GALNT11: variants seen among roughly 807,000 people sequenced by gnomAD.
The protein encoded by GALNT11 is UDP-GalNAc:polypeptide N-acetylgalactosaminyltransferase 11.
In GALNT11, 47 loss-of-function variants were observed where a neutral mutation model predicts 72.7. That is an observed-to-expected ratio of 0.65 (90% CI 0.51 to 0.82). GALNT11 has a LOEUF of 0.82. Among genes scored for constraint, GALNT11 ranks in the 40% least tolerant of loss-of-function variants. The pLI, the probability that GALNT11 is intolerant of heterozygous loss-of-function variation, is 0.00. For missense variants in GALNT11, 677 were observed against 778.4 expected (o/e 0.87, Z 1.55); for synonymous variants, 270 against 286.6 (o/e 0.94, Z 0.58).
chr7:152,065,574 A>G (rs1383111076), intron 1 of GALNT11, among the ~76,000 whole-genome samples: 1 of 152,094 alleles, frequency 6.6e-6, no homozygotes, highest in African/African-American at 2.4e-5. Context: ...TTGTGGTTTT[A>G]TCTACCTATG....
intron 3 of GALNT11, among the ~76,000 whole-genome samples, chr7:152,101,650 G>T (rs375420684): frequency 0.032 from 4,699 of 145,468 alleles, 275 homozygotes; most frequent in African/African-American, 0.099. Context: ...TTTGGGGGGG[G>T]GGGGATGGAG....
intron 10 of GALNT11, chr7:152,119,711 A>G (rs997855285): frequency 6.6e-6 from 1 of 152,100 alleles, no homozygotes; most frequent in Non-Finnish European, 1.5e-5. Context: ...CATCTCTACT[A>G]AAAATACAAA....
At chr7:152,037,787 T>A (rs2082652595) in intron 1 of GALNT11, among the ~76,000 whole-genome samples, 2 of 152,166 alleles carry the variant, frequency 1.3e-5, no homozygotes, top group South Asian at 4.2e-4. Flanking sequence ...TTCCTTCCTT[T>A]TGAGAGAGTC....
intron 1 of GALNT11, among the ~76,000 whole-genome samples, chr7:152,038,641 T>A (rs2082702292): frequency 6.6e-6 from 1 of 152,232 alleles, no homozygotes; most frequent in Non-Finnish European, 1.5e-5. Context: ...TGCAAAGTGA[T>A]AAAAGCAAAG....
chr7:152,113,939 GT>G lies in GALNT11; in HGVS notation c.1233+548del, dbSNP rs544834617. Among the ~76,000 whole-genome samples, 4 of 149,302 alleles carry G rather than the reference GT, an allele frequency of 2.7e-5. No individual in the cohort carries two copies. In the East Asian group the frequency reaches 7.8e-4, roughly 29 times the overall value. ...AAAGTGTTTTTTTTTTTGTTTGTTT[GT>G]TTTTTTAGAGATGGGATCTCACTGT... On this transcript the variant is annotated intron_variant, in intron 8 of 11. Transcript: ENST00000430044.
At chr7:152,063,836 A>G (rs1184530653) in intron 1 of GALNT11, among the ~76,000 whole-genome samples, 5 of 152,190 alleles carry the variant, frequency 3.3e-5, no homozygotes, top group Non-Finnish European at 7.3e-5. Context: ...ACAGTTTCTT[A>G]TAATTTCTGT....
chr7:152,040,726 A>G lies in GALNT11; in HGVS notation c.-39+14842A>G, dbSNP rs544903034. The stretch of plus-strand genomic sequence containing the variant: ...GAATGAACCATGTATAAAGAATCAA[A>G]TCACATTAATAGGCATATTAAAAGC... On this transcript the variant is annotated intron_variant, in intron 1 of 11. Coordinates refer to ENST00000430044, the MANE Select transcript of GALNT11 (RefSeq NM_022087.4). Among the ~76,000 whole-genome samples the G allele has an allele frequency of 8.5e-5, 13 of 152,352 alleles. No homozygotes were observed. In the East Asian group the frequency reaches 1.3e-3, roughly 16 times the overall value.
chr7:152,050,524 G>T (rs560598673), intron 1 of GALNT11, among the ~76,000 whole-genome samples: 2 of 152,132 alleles, frequency 1.3e-5, no homozygotes, highest in African/African-American at 4.8e-5. Context: ...TTACTCTTCC[G>T]TCTCCTTTCC....
At chr7:152,107,099 A>G (rs2087644792) in intron 5 of GALNT11, among the ~76,000 whole-genome samples, 2 of 152,192 alleles carry the variant, frequency 1.3e-5, no homozygotes, top group African/African-American at 4.8e-5. Flanking sequence ...AGTTGGATAG[A>G]TAACATTTGG....
intron 8 of GALNT11, 158 bp from the exon 9 acceptor site, chr7:152,116,999 T>C (rs1208659170): frequency 2.7e-6 from 2 of 731,096 alleles, no homozygotes; most frequent in Admixed American, 2.0e-5. Flanking sequence ...ACTGATCTCA[T>C]ATATACGCCT....
rs71198754 is a variant in GALNT11, at chr7:152,057,004, A to AT, written c.-39+31143dup. On this transcript the variant is annotated intron_variant, in intron 1 of 11. Coordinates refer to ENST00000430044, the MANE Select transcript of GALNT11 (RefSeq NM_022087.4). ...CAGGTGTGTGCCAGCATGCCCAGCT[A>AT]TTTTTTTTTTTTTTTTTTTTTTTGG... Among the ~76,000 whole-genome samples the AT allele has an allele frequency of 4.2e-3, 311 of 74,882 alleles. 3 individuals carry two copies. Among genetic ancestry groups the AT allele is most frequent in the African/African-American group, 5.2e-3 (109 of 21,084 alleles). The allele number at this position is 74,882 out of a possible 152,430, so 49.1% of individuals were successfully genotyped here.
intron 1 of GALNT11, among the ~76,000 whole-genome samples, chr7:152,066,446 T>C (rs954631954): frequency 2.6e-5 from 4 of 152,016 alleles, no homozygotes; most frequent in African/African-American, 9.7e-5. Flanking sequence ...CCCACTGTCC[T>C]GCACCCACTG....
chr7:152,099,034 T>C (rs914051120), intron 2 of GALNT11, among the ~76,000 whole-genome samples: 5 of 152,190 alleles, frequency 3.3e-5, no homozygotes, highest in African/African-American at 1.2e-4. Flanking sequence ...ATTCGCCTCC[T>C]AGGTTCAAGT....
At chr7:152,055,754 C>T (rs953425582) in intron 1 of GALNT11, among the ~76,000 whole-genome samples, 6 of 151,850 alleles carry the variant, frequency 4.0e-5, no homozygotes, top group African/African-American at 7.3e-5. Flanking sequence ...ATTTCCTTAC[C>T]GACAAGATTG....
At position 152,108,022 on chromosome 7, in the gene GALNT11, G is replaced by C. The variant is rs751959187; in HGVS notation, c.713-16G>C. 3.1e-6 allele frequency: 5 copies of C among 1,598,754 alleles called. No individual in the cohort carries two copies. In the African/African-American group the frequency reaches 5.4e-5, roughly 17 times the overall value. ...TGTTGTGACACTCTCCTGAGCCTCT[G>C]TTGTTTCCTCCCCAGGAGAAGTCCT... On this transcript the variant is annotated splice_polypyrimidine_tract_variant and intron_variant, in intron 5 of 11. Transcript: ENST00000430044.
At chr7:152,091,671 C>G (rs757655750) in intron 1 of GALNT11, among the ~76,000 whole-genome samples, 6 of 152,110 alleles carry the variant, frequency 3.9e-5, no homozygotes, top group Non-Finnish European at 8.8e-5. Flanking sequence ...AGCCACCGCC[C>G]CCAGCCGGAG....
chr7:152,046,534 T>G (rs1373381502), intron 1 of GALNT11, among the ~76,000 whole-genome samples: 1 of 152,164 alleles, frequency 6.6e-6, no homozygotes, highest in Non-Finnish European at 1.5e-5. Flanking sequence ...CTGAACTGAG[T>G]TCTTTATCAT....
chr7:152,053,120 T>C (rs570115185), intron 1 of GALNT11, among the ~76,000 whole-genome samples: 3 of 152,356 alleles, frequency 2.0e-5, no homozygotes, highest in Admixed American at 6.5e-5. Flanking sequence ...AGATTTTTTT[T>C]CCCTCTGTTC....
rs2082587970 is a variant in GALNT11 at position 152,036,523 on chromosome 7, G to C, written c.-39+10639G>C. ...GACATTTAGGTTGCTTCCATATCTT[G>C]GCTATTGTGAACAGTGCTGCAGGAA... On this transcript the variant is annotated intron_variant, in intron 1 of 11. Coordinates refer to ENST00000430044, the MANE Select transcript of GALNT11 (RefSeq NM_022087.4). 3.9e-5 allele frequency among the ~76,000 whole-genome samples: 6 copies of C among 152,030 alleles called. No individual in the cohort carries two copies. In the South Asian group the frequency reaches 1.2e-3, roughly 32 times the overall value.
Sources: gnomAD v4.1 joint callset for allele counts (sites outside exome capture counted in the v4.1 genomes callset) on GRCh38, gnomAD v4.1.1 for gene constraint, MANE v1.5 for transcripts, NCBI Gene and HGNC (gene_info 2026-07-23, HGNC 2026-07-21) for gene names.